Variants in FLT1 observed in about 807,000 individuals in gnomAD.
FLT1 encodes the protein fms related receptor tyrosine kinase 1, also known as vascular endothelial growth factor receptor 1.
Under a neutral mutation model 156.3 loss-of-function variants are expected in FLT1, and 49 were observed. The ratio of observed to expected loss-of-function variants is 0.31; its 90% confidence interval spans 0.25 to 0.40. The LOEUF is 0.40. Ranked by LOEUF, FLT1 falls within the 10% of genes least tolerant of loss-of-function variation. The probability of loss-of-function intolerance (pLI) is 1.00; values close to 1 mark genes in which losing one functional copy is unlikely to be tolerated. For missense variants in FLT1, 1,322 were observed against 1,637.2 expected (o/e 0.81, Z 3.32); for synonymous variants, 594 against 583.8 (o/e 1.02, Z -0.25).
At chr13:28,346,964 A>C (rs1872588308) in intron 15 of FLT1, among the ~76,000 whole-genome samples, 1 of 152,172 alleles carries the variant, frequency 6.6e-6, no homozygotes, top group Non-Finnish European at 1.5e-5. Flanking sequence ...ACTAGAGGCA[A>C]GGTTAGGGGC....
intron 12 of FLT1, among the ~76,000 whole-genome samples, chr13:28,395,270 C>T (rs1874978854): frequency 6.6e-6 from 1 of 152,196 alleles, no homozygotes; most frequent in Admixed American, 6.5e-5. Context: ...CTTGTCTTGG[C>T]TCTGAAAATG....
At chr13:28,483,005 C>T (rs1263318123) in intron 1 of FLT1, among the ~76,000 whole-genome samples, 1 of 152,158 alleles carries the variant, frequency 6.6e-6, no homozygotes, top group Non-Finnish European at 1.5e-5. Context: ...GTTACAGGTA[C>T]TCAAAGTCCA....
At chr13:28,398,014 C>CCTTTAAGTTCT (rs1875169825) in intron 11 of FLT1, among the ~76,000 whole-genome samples, 1 of 151,896 alleles carries the variant, frequency 6.6e-6, no homozygotes, top group Non-Finnish European at 1.5e-5. Context: ...TTTTAGACAA[C>CCTTTAAGTTCT]TTAAAGACTT....
rs534710737 is a variant in FLT1 at position 28,388,319 on chromosome 13, C to T, written c.1969+1477G>A. 9 of 1,057,908 alleles carry T rather than the reference C, an allele frequency of 8.5e-6. No individual in the cohort carries two copies. The South Asian group carries it at 1.4e-4, about 16-fold the overall frequency. The allele number at this position is 1,057,908 out of a possible 1,614,324, so 65.5% of individuals were successfully genotyped here. A position where few individuals can be genotyped will look rare whatever the true frequency, so the allele number is the denominator to read the frequency against. ...TTCCCACGTGAAAGACAAGTTTAGC[C>T]GTGGGACAGAATCTGTTACCTAAAG... On this transcript the variant is annotated intron_variant, in intron 13 of 29. Transcript: ENST00000282397.
In FLT1 at chr13:28,427,773, T is replaced by C. The variant is rs757441417; in HGVS notation, c.1255A>G (p.Thr419Ala). The C allele has an allele frequency of 6.2e-7, 1 of 1,613,994 alleles. No homozygotes were observed. The highest frequency in any genetic ancestry group is 1.7e-5 in the Admixed American group (1 of 60,028). Residue 419 changes from threonine to alanine, a missense_variant, in exon 9 of 30, where the codon ACT becomes GCT. Around this residue, in one of 3 missense-constraint regions of FLT1, gnomAD observed 991 missense variants for 1,254.8 expected, o/e 0.79. Transcript: ENST00000282397. ...IKQSNVFKNL[T>A]ATLIVNVKPQ... is the part of the protein sequence containing the mutation. ...TTACCATTGACAATTAGAGTGGCAG[T>C]GAGGTTTTTAAACACATTTGACTGT...
intron 10 of FLT1, among the ~76,000 whole-genome samples, chr13:28,423,275 T>G (rs1330518425): frequency 1.3e-5 from 2 of 152,094 alleles, no homozygotes; most frequent in Non-Finnish European, 2.9e-5. Flanking sequence ...ACTGGGAGAA[T>G]TACTTCATTC....
chr13:28,399,008 C>T (rs1330428170), intron 11 of FLT1: 1 of 1,399,924 alleles, frequency 7.1e-7, no homozygotes, highest in East Asian at 2.5e-5. Flanking sequence ...TCTGAATAGC[C>T]ATTTCCTTGT....
intron 10 of FLT1, among the ~76,000 whole-genome samples, chr13:28,412,329 C>CTTTCTTTCTTTTCTTTCTTTCT (rs775271915): frequency 0.016 from 1,405 of 88,980 alleles, 53 homozygotes; most frequent in African/African-American, 0.052. Context: ...TTCTTTCTTT[C>CTTTCTTTCTTTTCTTTCTTTCT]TTTTCTTTCT....
In FLT1 at chr13:28,302,023, G is replaced by A. The variant is rs148341038; in HGVS notation, c.*1144C>T. 8 of 233,652 alleles carry A rather than the reference G, an allele frequency of 3.4e-5. No individual in the cohort carries two copies. In the East Asian group the frequency reaches 4.8e-4, roughly 14 times the overall value. 14.5% of individuals were successfully genotyped at this position (233,652 alleles called of 1,614,324 possible). A position where few individuals can be genotyped will look rare whatever the true frequency, so the allele number is the denominator to read the frequency against. On this transcript the variant is annotated 3_prime_UTR_variant, in exon 30 of 30. Transcript: ENST00000282397. ...AAAGGAAACGTGACTGACTTCCTGT[G>A]TTTTGGGTCCCAACTGTGTTGGTGA...
intron 29 of FLT1, among the ~76,000 whole-genome samples, chr13:28,303,670 G>A (rs1566275645): frequency 6.6e-6 from 1 of 152,126 alleles, no homozygotes; most frequent in Non-Finnish European, 1.5e-5. Flanking sequence ...CTTGGGTGCA[G>A]CCCTCTCCTA....
intron 3 of FLT1, among the ~76,000 whole-genome samples, chr13:28,461,620 A>G (rs1445620874): frequency 6.6e-6 from 1 of 152,218 alleles, no homozygotes; most frequent in Admixed American, 6.5e-5. Context: ...TCAAAAAATA[A>G]AAGTAAAAAT....
chr13:28,344,569 C>T (rs1450238654), intron 16 of FLT1, among the ~76,000 whole-genome samples: 1 of 152,078 alleles, frequency 6.6e-6, no homozygotes, highest in Non-Finnish European at 1.5e-5. Context: ...ATATTTGAAG[C>T]ATGAATGAAT....
chr13:28,313,080 G>A (rs1200298623), intron 25 of FLT1, among the ~76,000 whole-genome samples: 1 of 152,032 alleles, frequency 6.6e-6, no homozygotes, highest in African/African-American at 2.4e-5. Flanking sequence ...CCAGGTTCAA[G>A]CGATCCTCCT....
Position 28,395,902 on chromosome 13 carries a change from CAGTCTTTTG to C in FLT1, c.1660+1049_1660+1057del, listed in dbSNP as rs1875015595. ...TGTTCAGAACAAAACAGGAATTTTT[CAGTCTTTTG>C]TATTCTAAATCAGACATACTACGAC... On this transcript the variant is annotated intron_variant, in intron 12 of 29. Coordinates refer to ENST00000282397, the MANE Select transcript of FLT1 (RefSeq NM_002019.4). 2.6e-5 allele frequency among the ~76,000 whole-genome samples: 4 copies of C among 152,316 alleles called. No homozygotes were observed. In the South Asian group the frequency reaches 8.3e-4, roughly 32 times the overall value.
Position 28,319,427 on chromosome 13 carries a change from G to A in FLT1, c.3282C>T (p.Ser1094=). The part of the protein sequence containing the change: ...SYGVLLWEIF[S]LGGSPYPGVQ... ...TCTTCCTTCTCCCAAATTTACCTAA[G>A]GAGAAGATTTCCCACAGCAATACTC... Residue 1094 remains serine, a synonymous_variant, in exon 24 of 30, where the codon TCC becomes TCT. Transcript: ENST00000282397. 1 of 1,602,262 alleles carries A rather than the reference G, an allele frequency of 6.2e-7. No homozygotes were observed. The highest frequency in any genetic ancestry group is 1.1e-5 in the South Asian group (1 of 90,736).
chr13:28,412,365 T>TTTCTTTCTTTCTTTCCTTCC (rs1566013022), intron 10 of FLT1, among the ~76,000 whole-genome samples: 11 of 95,416 alleles, frequency 1.2e-4, no homozygotes, highest in African/African-American at 3.7e-4. Context: ...TCTTTCTTTC[T>TTTCTTTCTTTCTTTCCTTCC]TTCTTTCTTT....
At chr13:28,453,006 T>TC (rs1555242399) in intron 3 of FLT1, among the ~76,000 whole-genome samples, 1 of 3,842 alleles carries the variant, frequency 2.6e-4, no homozygotes, top group Non-Finnish European at 4.7e-4. Flanking sequence ...CTTCCTTTCC[T>TC]CCCCTCCCCC....
chr13:28,322,938 T>A lies in FLT1; in HGVS notation c.2805A>T (p.Ala935=), dbSNP rs776889222. 5 of 1,613,994 alleles carry A rather than the reference T, an allele frequency of 3.1e-6. No homozygotes were observed. The highest frequency in any genetic ancestry group is 4.2e-6 in the Non-Finnish European group (5 of 1,180,028). ...TTTCTTTCTTAGGCTCCATGTGTAG[T>A]GCTGCATCCTTTGAAGAGACCGAAA... ...RDLFFLNKDA[A]LHMEPKKEKM... is the part of the protein sequence containing the mutation. Residue 935 remains alanine (A), a synonymous_variant, in exon 21 of 30, where the codon GCA becomes GCT. Coordinates refer to ENST00000282397, the MANE Select transcript of FLT1 (RefSeq NM_002019.4). This position sits in a 1 kb window ranked among gnomAD's most constrained non-coding sequence, Gnocchi z 4.3.
intron 3 of FLT1, among the ~76,000 whole-genome samples, chr13:28,451,578 C>T (rs1878939872): frequency 1.3e-5 from 2 of 151,940 alleles, no homozygotes; most frequent in African/African-American, 2.4e-5. Flanking sequence ...TCCGAGAGGA[C>T]AGCCCCGATG....
Sources: allele counts gnomAD v4.1 joint callset (sites outside exome capture counted in the v4.1 genomes callset), GRCh38; gene constraint gnomAD v4.1.1; regional missense constraint gnomAD v4.1.1; non-coding constraint Gnocchi (gnomAD v3.1); transcripts MANE v1.5; gene names NCBI Gene and HGNC (gene_info 2026-07-23, HGNC 2026-07-21).